LGSN: variants seen among roughly 807,000 people sequenced by gnomAD.
The protein encoded by LGSN is lengsin.
A neutral mutation model predicts 19.5 loss-of-function variants in LGSN; 21 were observed. The ratio of observed to expected loss-of-function variants is 1.07; its 90% confidence interval spans 0.76 to 1.55. The LOEUF (loss-of-function observed/expected upper bound fraction) is 1.55, where lower values mean the gene tolerates loss of function less well. LGSN is among the 40% of genes most tolerant of loss of function. LGSN has a pLI of 0.00. For missense variants in LGSN, 673 were observed against 608.5 expected (o/e 1.11, Z -1.12); for synonymous variants, 257 against 215.6 (o/e 1.19, Z -1.68).
At chr6:63,388,885 C>T in the LGSN span, among the ~76,000 whole-genome samples, 3 of 152,164 alleles carry the variant, frequency 2.0e-5, no homozygotes, top group Non-Finnish European at 1.5e-5. Flanking sequence ...GAGTTGAAAG[C>T]AGAATAGAAG....
At chr6:63,317,414 G>A (rs867394916) in intron 1 of LGSN, among the ~76,000 whole-genome samples, 4 of 152,284 alleles carry the variant, frequency 2.6e-5, no homozygotes, top group South Asian at 2.1e-4. Flanking sequence ...CAGGAAGTGC[G>A]AGCTTAATCC....
chr6:63,374,424 C>T, the LGSN span, among the ~76,000 whole-genome samples: 1,149 of 152,296 alleles, frequency 7.5e-3, 13 homozygotes, highest in African/African-American at 0.026. Context: ...CACTACAGCA[C>T]CTTTGCCATC....
the LGSN span, among the ~76,000 whole-genome samples, chr6:63,336,399 AC>A: frequency 6.6e-6 from 1 of 151,822 alleles, no homozygotes; most frequent in Non-Finnish European, 1.5e-5. Flanking sequence ...AAACAGAGAG[AC>A]CCGTCTGCAG....
At chr6:63,321,054 T>C (rs962000279), upstream of LGSN, among the ~76,000 whole-genome samples, 4 of 152,196 alleles carry the variant, frequency 2.6e-5, no homozygotes, top group Admixed American at 1.3e-4. Flanking sequence ...TGAAACTGCA[T>C]CCTGAATATG....
At chr6:63,369,417 G>A in the LGSN span, among the ~76,000 whole-genome samples, 15 of 152,258 alleles carry the variant, frequency 9.9e-5, no homozygotes, top group African/African-American at 2.4e-4. Context: ...AAATAACGTC[G>A]TTCATGTCAG....
At chr6:63,364,673 C>T in the LGSN span, among the ~76,000 whole-genome samples, 4 of 152,036 alleles carry the variant, frequency 2.6e-5, no homozygotes, top group South Asian at 4.1e-4. Context: ...CAAAATTGGC[C>T]GCATAGTTGG....
the LGSN span, among the ~76,000 whole-genome samples, chr6:63,517,466 T>A: frequency 1.3e-5 from 2 of 152,204 alleles, no homozygotes; most frequent in Non-Finnish European, 2.9e-5. Context: ...AATAAAGGTA[T>A]GCACACATGA....
the LGSN span, among the ~76,000 whole-genome samples, chr6:63,546,350 G>GAGT: frequency 6.6e-6 from 1 of 152,186 alleles, no homozygotes; most frequent in African/African-American, 2.4e-5. Context: ...TAGAAGCAGA[G>GAGT]AGTAGAATGG....
chr6:63,293,617 G>A, intron 2 of LGSN: 1 of 404,622 alleles, frequency 2.5e-6, no homozygotes, highest in South Asian at 1.9e-5. Context: ...AGGGTTAGTG[G>A]CTAGAACCAC....
chr6:63,529,379 A>G, the LGSN span, among the ~76,000 whole-genome samples: 2 of 150,180 alleles, frequency 1.3e-5, no homozygotes, highest in Non-Finnish European at 2.9e-5. Context: ...TTAATTTCCT[A>G]CATCAATTCA....
intron 1 of LGSN, among the ~76,000 whole-genome samples, chr6:63,297,235 G>A (rs1275045764): frequency 6.6e-6 from 1 of 151,938 alleles, no homozygotes; most frequent in South Asian, 2.1e-4. Context: ...AGCTGTTTGG[G>A]AGGCTGAGGC....
chr6:63,524,837 C>T, the LGSN span, among the ~76,000 whole-genome samples: 5 of 152,100 alleles, frequency 3.3e-5, no homozygotes, highest in Non-Finnish European at 5.9e-5. Context: ...GAATTATAAA[C>T]ATTATATGTG....
the LGSN span, among the ~76,000 whole-genome samples, chr6:63,432,769 G>A: frequency 5.9e-5 from 9 of 151,672 alleles, no homozygotes; most frequent in African/African-American, 1.9e-4. Context: ...TTAGGTTAAA[G>A]AACAGCCTTA....
At chr6:63,370,478 G>A in the LGSN span, among the ~76,000 whole-genome samples, 1 of 152,250 alleles carries the variant, frequency 6.6e-6, no homozygotes, top group African/African-American at 2.4e-5. Context: ...AGGGTTTAAT[G>A]CCCAGAGGCC....
the LGSN span, among the ~76,000 whole-genome samples, chr6:63,563,104 TTG>T: frequency 6.6e-6 from 1 of 152,234 alleles, no homozygotes; most frequent in South Asian, 2.1e-4. Flanking sequence ...TGTCTTCCAT[TTG>T]ACAAGGCAGG....
At chr6:63,461,885 T>C in the LGSN span, among the ~76,000 whole-genome samples, 4 of 152,236 alleles carry the variant, frequency 2.6e-5, no homozygotes, top group Non-Finnish European at 5.9e-5. Context: ...TAAACACAGT[T>C]CTGGCTCCAA....
the LGSN span, among the ~76,000 whole-genome samples, chr6:63,510,273 T>C: frequency 6.6e-6 from 1 of 152,140 alleles, no homozygotes; most frequent in African/African-American, 2.4e-5. Context: ...GGCTGTTTCT[T>C]AGTTCCACCT....
the LGSN span, chr6:63,548,813 C>A: frequency 1.3e-6 from 1 of 741,284 alleles, no homozygotes; most frequent in African/African-American, 1.7e-5. Context: ...GACGGCGGAT[C>A]TCATTGTATC....
chr6:63,359,793 T>C, the LGSN span, among the ~76,000 whole-genome samples: 1 of 152,178 alleles, frequency 6.6e-6, no homozygotes, highest in Non-Finnish European at 1.5e-5. Flanking sequence ...AGTTCCTGGA[T>C]TCATTGATTT....
Sources: gnomAD v4.1 joint callset for allele counts (sites outside exome capture counted in the v4.1 genomes callset) on GRCh38, gnomAD v4.1.1 for gene constraint, MANE v1.5 for transcripts, NCBI Gene and HGNC (gene_info 2026-07-23, HGNC 2026-07-21) for gene names.